The following COPS6 variants were observed in gnomAD, a reference collection of about 807,000 sequenced individuals.
COPS6 encodes the protein COP9 signalosome subunit 6.
COPS6 carries 9 observed loss-of-function variants against 41.0 expected under a neutral mutation model. That is an observed-to-expected ratio of 0.22 (90% CI 0.13 to 0.38). COPS6 has a LOEUF of 0.38. COPS6 is among the 10% of genes least tolerant of loss of function. COPS6 has a pLI of 1.00. For synonymous variants in COPS6, 179 were observed against 162.9 expected (o/e 1.10, Z -0.75); for missense variants, 302 against 436.7 (o/e 0.69, Z 2.75).
Position 100,090,663 on chromosome 7 carries a change from T to TACTC in COPS6, c.486+10_486+13dup. On this transcript the variant is annotated intron_variant, in intron 5 of 9. Transcript: ENST00000303904. ...TGACCAAGCACACAGATGTGAGTAA[T>TACTC]ACTCCATGCCTACTCTGTCATGATT... 1 of 1,611,646 alleles carries TACTC rather than the reference T, an allele frequency of 6.2e-7. No individual in the cohort carries two copies. The highest frequency in any genetic ancestry group is 8.5e-7 in the Non-Finnish European group (1 of 1,177,712).
At position 100,091,909 on chromosome 7, in the gene COPS6, C is replaced by T. The variant is rs1253387992; in HGVS notation, c.*120C>T. ...AAAGGGGAGCAGCCCCTGAGCACCC[C>T]TGCTGGTGGCTCTGTCCTCTGTTAG... On this transcript the variant is annotated 3_prime_UTR_variant, in exon 10 of 10. Coordinates refer to ENST00000303904, the MANE Select transcript of COPS6 (RefSeq NM_006833.5). This position sits in a 1 kb window ranked among gnomAD's most constrained non-coding sequence, Gnocchi z 4.1. 1 of 1,299,182 alleles carries T rather than the reference C, an allele frequency of 7.7e-7. No individual in the cohort carries two copies. The allele number at this position is 1,299,182 out of a possible 1,614,324, so 80.5% of individuals were successfully genotyped here. A position where few individuals can be genotyped will look rare whatever the true frequency, so the allele number is the denominator to read the frequency against.
rs1184133607 is a variant in COPS6, at chr7:100,090,931, T to C, written c.516T>C (p.Ile172=). Residue 172 remains isoleucine (I), a synonymous_variant, in exon 6 of 10, where the codon ATT becomes ATC. Transcript: ENST00000303904. ...CTGTCAGCGTTTTTGAGTCTGTCAT[T>C]GATATAATCAATGGAGAGGTAATAC... is the stretch of plus-strand genomic sequence containing the variant. ...DLPVSVFESV[I]DIINGEATML... The C allele has an allele frequency of 6.2e-7, 1 of 1,614,246 alleles. No homozygotes were observed. The highest frequency in any genetic ancestry group is 1.7e-5 in the Admixed American group (1 of 60,030).
chr7:100,091,875 T>G lies in COPS6; in HGVS notation c.*86T>G. On this transcript the variant is annotated 3_prime_UTR_variant, in exon 10 of 10. Coordinates refer to ENST00000303904, the MANE Select transcript of COPS6 (RefSeq NM_006833.5). This position sits in a 1 kb window ranked among gnomAD's most constrained non-coding sequence, Gnocchi z 4.1. ...TACACTTCCTTGAGAGAAACCGCTG[T>G]CATTAATAAAAGGGGAGCAGCCCCT... The G allele has an allele frequency of 6.4e-7, 1 of 1,564,434 alleles. No homozygotes were observed. Among genetic ancestry groups the G allele is most frequent in the Non-Finnish European group, 8.7e-7 (1 of 1,144,116 alleles).
rs1795281223 is a variant in COPS6 at position 100,089,413 on chromosome 7, A to G, written c.200A>G (p.Gln67Arg). 1.2e-6 allele frequency: 2 copies of G among 1,613,988 alleles called. No homozygotes were observed. Among genetic ancestry groups the G allele is most frequent in the South Asian group, 2.2e-5 (2 of 91,088 alleles). The change falls in exon 2 of 10, where the codon CAG (glutamine) becomes CGG (arginine). Residue 67 changes from glutamine (Q) to arginine (R), a missense_variant and splice_region_variant. Around this residue, in one of 3 missense-constraint regions of COPS6, gnomAD observed 76 missense variants for 97.9 expected, o/e 0.78. Coordinates refer to ENST00000303904, the MANE Select transcript of COPS6 (RefSeq NM_006833.5). ...CGCTCCCAGGAGGGGCGGCCTGTGCAGGGTGAGTGTTGGGCATAGACTCCA... is the reference window on the plus strand; with the variant it reads ...CGCTCCCAGGAGGGGCGGCCTGTGCGGGGTGAGTGTTGGGCATAGACTCCA... Reference protein sequence around the residue: ...RMRSQEGRPVQVIGALIGKQE... With the variant: ...RMRSQEGRPVRVIGALIGKQE...
chr7:100,091,872 C>A lies in COPS6; in HGVS notation c.*83C>A, dbSNP rs143436923. The stretch of plus-strand genomic sequence containing the variant: ...CACTACACTTCCTTGAGAGAAACCG[C>A]TGTCATTAATAAAAGGGGAGCAGCC... On this transcript the variant is annotated 3_prime_UTR_variant, in exon 10 of 10. Transcript: ENST00000303904. This position sits in a 1 kb window ranked among gnomAD's most constrained non-coding sequence, Gnocchi z 4.1. 8.3e-5 allele frequency: 131 copies of A among 1,569,870 alleles called. No homozygotes were observed. Among genetic ancestry groups the A allele is most frequent in the Admixed American group, 3.6e-4 (21 of 57,670 alleles).
chr7:100,090,517 G>C, intron 4 of COPS6, 30 bp downstream of exon 4: 1 of 1,610,748 alleles, frequency 6.2e-7, no homozygotes, highest in Non-Finnish European at 8.5e-7. Flanking sequence ...TGCATGCTGG[G>C]GCAGAGAATG....
Position 100,091,905 on chromosome 7 carries a change from A to G in COPS6, c.*116A>G. ...AATAAAAGGGGAGCAGCCCCTGAGC[A>G]CCCCTGCTGGTGGCTCTGTCCTCTG... On this transcript the variant is annotated 3_prime_UTR_variant, in exon 10 of 10. Transcript: ENST00000303904. The surrounding 1 kb of genome is among the most constrained non-coding windows in gnomAD (Gnocchi z 4.1). The G allele has an allele frequency of 7.5e-7, 1 of 1,341,298 alleles. No homozygotes were observed. The highest frequency in any genetic ancestry group is 1.5e-5 in the African/African-American group (1 of 68,940). 83.1% of individuals were successfully genotyped at this position (1,341,298 alleles called of 1,614,324 possible).
Position 100,091,996 on chromosome 7 carries a change from C to T in COPS6, c.*207C>T. On this transcript the variant is annotated 3_prime_UTR_variant, in exon 10 of 10. Transcript: ENST00000303904. The surrounding 1 kb of genome is among the most constrained non-coding windows in gnomAD (Gnocchi z 4.1). ...GGCTCATTCTGGCCTTGCTCAGAAGCCCTTCTGATGCTCTTCAGTGAGGGA... is the reference window on the plus strand; with the variant it reads ...GGCTCATTCTGGCCTTGCTCAGAAGTCCTTCTGATGCTCTTCAGTGAGGGA... The T allele has an allele frequency of 1.6e-6, 1 of 609,886 alleles. No homozygotes were observed. The highest frequency in any genetic ancestry group is 2.8e-6 in the Non-Finnish European group (1 of 351,428). The allele number at this position is 609,886 out of a possible 1,614,324, so 37.8% of individuals were successfully genotyped here. A position where few individuals can be genotyped will look rare whatever the true frequency, so the allele number is the denominator to read the frequency against.
In COPS6 at chr7:100,089,043, G is replaced by A. The variant is rs965593420; in HGVS notation, c.53G>A (p.Ser18Asn). ...GCTACGAACGGGACCGGAGGAAGCA[G>A]CGGGATGGAGGTGGATGCAGCAGGT... Reference protein sequence around the residue: ...AAATNGTGGSSGMEVDAAVVP... With the variant: ...AAATNGTGGSNGMEVDAAVVP... Residue 18 changes from serine to asparagine, a missense_variant, in exon 1 of 10, where the codon AGC (serine) becomes AAC (asparagine). Physicochemically the swap from Ser to Asn is conservative, Grantham distance 46. Transcript: ENST00000303904. 2 of 1,369,294 alleles carry A rather than the reference G, an allele frequency of 1.5e-6. No individual in the cohort carries two copies. The highest frequency in any genetic ancestry group is 3.0e-5 in the East Asian group (1 of 33,340). The allele number at this position is 1,369,294 out of a possible 1,614,324, so 84.8% of individuals were successfully genotyped here.
chr7:100,090,992 CT>C, intron 6 of COPS6, 43 bp downstream of exon 6: 1 of 1,614,008 alleles, frequency 6.2e-7, no homozygotes, highest in Non-Finnish European at 8.5e-7. Context: ...CTCTTGGCCT[CT>C]TTCCTGCTTT....
rs1288805254 is a variant in COPS6 at position 100,091,233 on chromosome 7, T to C, written c.650-5T>C. Reference sequence around the variant, plus strand: ...CAACCTCCTCCTGTCCTCATCCCCTTGCAGTGGCTGAACACCTGATAGCAC... The same window carrying C: ...CAACCTCCTCCTGTCCTCATCCCCTCGCAGTGGCTGAACACCTGATAGCAC... On this transcript the variant is annotated splice_polypyrimidine_tract_variant and splice_region_variant and intron_variant, in intron 7 of 9. Coordinates refer to ENST00000303904, the MANE Select transcript of COPS6 (RefSeq NM_006833.5). The surrounding 1 kb of genome is among the most constrained non-coding windows in gnomAD (Gnocchi z 4.1). 1.2e-6 allele frequency: 2 copies of C among 1,614,112 alleles called. No homozygotes were observed. Among genetic ancestry groups the C allele is most frequent in the Non-Finnish European group, 1.7e-6 (2 of 1,179,934 alleles).
At position 100,091,871 on chromosome 7, in the gene COPS6, G is replaced by A. The variant is rs41280959; in HGVS notation, c.*82G>A. On this transcript the variant is annotated 3_prime_UTR_variant, in exon 10 of 10. Coordinates refer to ENST00000303904, the MANE Select transcript of COPS6 (RefSeq NM_006833.5). This position sits in a 1 kb window ranked among gnomAD's most constrained non-coding sequence, Gnocchi z 4.1. Reference sequence around the variant, plus strand: ...GCACTACACTTCCTTGAGAGAAACCGCTGTCATTAATAAAAGGGGAGCAGC... The same window carrying A: ...GCACTACACTTCCTTGAGAGAAACCACTGTCATTAATAAAAGGGGAGCAGC... 21,802 of 1,569,716 alleles carry A rather than the reference G, an allele frequency of 0.014. 214 individuals are homozygous for A. Among genetic ancestry groups the A allele is most frequent in the South Asian group, 0.015 (1,311 of 87,954 alleles).
intron 3 of COPS6, 31 bp downstream of exon 3, chr7:100,089,777 G>GT: frequency 6.2e-7 from 1 of 1,605,318 alleles, no homozygotes; most frequent in Admixed American, 1.7e-5. Flanking sequence ...GGGAAGAGGA[G>GT]TGGGAGTTAA....
In COPS6 at chr7:100,090,381, T is replaced by C. The variant is rs1312748868; in HGVS notation, c.335-18T>C. 6.3e-7 allele frequency: 1 copy of C among 1,575,380 alleles called. No homozygotes were observed. Among genetic ancestry groups the C allele is most frequent in the Non-Finnish European group, 8.7e-7 (1 of 1,145,250 alleles). On this transcript the variant is annotated intron_variant, in intron 3 of 9. Coordinates refer to ENST00000303904, the MANE Select transcript of COPS6 (RefSeq NM_006833.5). ...AAAAAAAAAGAATTACTATATGTTC[T>C]GGCCCCTTCCCCTCTAGTTAAACAG...
chr7:100,091,976 A>G lies in COPS6; in HGVS notation c.*187A>G, dbSNP rs927081760. ...TCAACTTGGATGTTCATCGAGGCTC[A>G]TTCTGGCCTTGCTCAGAAGCCCTTC... On this transcript the variant is annotated 3_prime_UTR_variant, in exon 10 of 10. Transcript: ENST00000303904. The surrounding 1 kb of genome is among the most constrained non-coding windows in gnomAD (Gnocchi z 4.1). The G allele has an allele frequency of 2.5e-5, 17 of 682,730 alleles. No individual in the cohort carries two copies. The highest frequency in any genetic ancestry group is 3.6e-5 in the Non-Finnish European group (15 of 412,844). The allele number at this position is 682,730 out of a possible 1,614,324, so 42.3% of individuals were successfully genotyped here. A position where few individuals can be genotyped will look rare whatever the true frequency, so the allele number is the denominator to read the frequency against.
Position 100,091,959 on chromosome 7 carries a change from G to C in COPS6, c.*170G>C, listed in dbSNP as rs1795334708. The C allele has an allele frequency of 1.0e-5, 8 of 765,258 alleles. No homozygotes were observed. The highest frequency in any genetic ancestry group is 5.6e-5 in the South Asian group (3 of 53,972). 47.4% of individuals were successfully genotyped at this position (765,258 alleles called of 1,614,324 possible). ...GGCACCACACTGGTTGGTCAACTTG[G>C]ATGTTCATCGAGGCTCATTCTGGCC... On this transcript the variant is annotated 3_prime_UTR_variant, in exon 10 of 10. Transcript: ENST00000303904. The surrounding 1 kb of genome is among the most constrained non-coding windows in gnomAD (Gnocchi z 4.1).
Position 100,091,889 on chromosome 7 carries a change from G to A in COPS6, c.*100G>A. 6.6e-7 allele frequency: 1 copy of A among 1,511,276 alleles called. No homozygotes were observed. The highest frequency in any genetic ancestry group is 9.0e-7 in the Non-Finnish European group (1 of 1,105,396). 93.6% of individuals were successfully genotyped at this position (1,511,276 alleles called of 1,614,324 possible). ...AGAAACCGCTGTCATTAATAAAAGGGGAGCAGCCCCTGAGCACCCCTGCTG... is the reference window on the plus strand; with the variant it reads ...AGAAACCGCTGTCATTAATAAAAGGAGAGCAGCCCCTGAGCACCCCTGCTG... On this transcript the variant is annotated 3_prime_UTR_variant, in exon 10 of 10. Coordinates refer to ENST00000303904, the MANE Select transcript of COPS6 (RefSeq NM_006833.5). The surrounding 1 kb of genome is among the most constrained non-coding windows in gnomAD (Gnocchi z 4.1).
At chr7:100,090,113 G>T in intron 3 of COPS6, 1 of 458,638 alleles carries the variant, frequency 2.2e-6, no homozygotes, top group Non-Finnish European at 4.0e-6. Flanking sequence ...ACTTTGGGAG[G>T]CCGAGGTGGG....
In COPS6 at chr7:100,091,059, C is replaced by T. The variant is rs1424776329; in HGVS notation, c.556C>T (p.Leu186=). ...GTAGGCCACAATGCTGTTTGCTGAGCTGACCTACACTCTGGCCACAGAGGA... is the reference window on the plus strand; with the variant it reads ...GTAGGCCACAATGCTGTTTGCTGAGTTGACCTACACTCTGGCCACAGAGGA... ...NGEATMLFAE[L]TYTLATEEAE... is the part of the protein sequence containing the mutation. Residue 186 remains leucine, a synonymous_variant, in exon 7 of 10, where the codon CTG becomes TTG. Transcript: ENST00000303904. This position sits in a 1 kb window ranked among gnomAD's most constrained non-coding sequence, Gnocchi z 4.1. 6.2e-7 allele frequency: 1 copy of T among 1,614,188 alleles called. No homozygotes were observed.
Sources: allele counts gnomAD v4.1 joint callset, GRCh38; gene constraint gnomAD v4.1.1; regional missense constraint gnomAD v4.1.1; non-coding constraint Gnocchi (gnomAD v3.1); transcripts MANE v1.5; gene names NCBI Gene and HGNC (gene_info 2026-07-23, HGNC 2026-07-21).